Variants in DENND5A observed in about 807,000 individuals in gnomAD.
DENND5A encodes DENN domain containing 5A.
Under a neutral mutation model 140.3 loss-of-function variants are expected in DENND5A, and 64 were observed. That is an observed-to-expected ratio of 0.46 (90% confidence interval 0.37 to 0.56). DENND5A has a LOEUF of 0.56. DENND5A is among the 20% of genes least tolerant of loss of function. The pLI is 0.00. For missense variants in DENND5A, 1,292 were observed against 1,593.8 expected (o/e 0.81, Z 3.22); for synonymous variants, 605 against 607.7 (o/e 1.00, Z 0.07).
intron 1 of DENND5A, 100 bp downstream of exon 1, chr11:9,264,861 G>T: frequency 2.7e-6 from 3 of 1,120,962 alleles, no homozygotes; most frequent in Admixed American, 2.4e-5. Flanking sequence ...GCCGACACTC[G>T]CCCGGCTCCC....
At chr11:9,176,825 G>A in intron 8 of DENND5A, 2 of 454,798 alleles carry the variant, frequency 4.4e-6, no homozygotes, top group Admixed American at 2.4e-5. Context: ...ACTGTTCAGG[G>A]TAACATTATA....
At chr11:9,230,518 A>C (rs1386636853) in intron 1 of DENND5A, among the ~76,000 whole-genome samples, 1 of 152,010 alleles carries the variant, frequency 6.6e-6, no homozygotes, top group East Asian at 1.9e-4. Context: ...TGGGATTACA[A>C]GTGTGAGCCA....
At chr11:9,185,203 C>A (rs11606969) in intron 5 of DENND5A, among the ~76,000 whole-genome samples, 15,547 of 151,974 alleles carry the variant, frequency 0.1, 932 homozygotes, top group African/African-American at 0.16. Flanking sequence ...TTAAAAAAAA[C>A]CCCCAATTAT....
intron 5 of DENND5A, among the ~76,000 whole-genome samples, chr11:9,191,889 T>C (rs73402352): frequency 0.12 from 18,016 of 152,240 alleles, 1,213 homozygotes; most frequent in African/African-American, 0.18. Flanking sequence ...AATAGACATT[T>C]GTTTAAAGCA....
At chr11:9,263,255 T>TGATAAA (rs1852286708) in intron 1 of DENND5A, among the ~76,000 whole-genome samples, 1 of 151,608 alleles carries the variant, frequency 6.6e-6, no homozygotes, top group Non-Finnish European at 1.5e-5. Flanking sequence ...CAGACTGGAG[T>TGATAAA]GTAGTGGCGC....
At chr11:9,251,988 C>G (rs904551673) in intron 1 of DENND5A, among the ~76,000 whole-genome samples, 1 of 138,692 alleles carries the variant, frequency 7.2e-6, no homozygotes, top group Admixed American at 7.5e-5. Flanking sequence ...GACTCTGTCT[C>G]GCGAAAAAAA....
intron 3 of DENND5A, among the ~76,000 whole-genome samples, 185 bp downstream of exon 3, chr11:9,206,488 A>G (rs1849695426): frequency 6.6e-6 from 1 of 152,214 alleles, no homozygotes; most frequent in Non-Finnish European, 1.5e-5. Context: ...CTTTTAGCAT[A>G]TTTAATATAT....
intron 1 of DENND5A, among the ~76,000 whole-genome samples, chr11:9,228,747 T>C (rs1850638557): frequency 6.7e-6 from 1 of 149,756 alleles, no homozygotes; most frequent in Admixed American, 6.7e-5. Context: ...AACAACAGGG[T>C]TCAGGGACCT....
At chr11:9,144,650 G>A (rs540741614) in intron 18 of DENND5A, among the ~76,000 whole-genome samples, 2 of 152,176 alleles carry the variant, frequency 1.3e-5, no homozygotes, top group South Asian at 2.1e-4. Flanking sequence ...TTAGCTGGGC[G>A]TGGTGGTGCA....
At chr11:9,250,236 C>T (rs1851663494) in intron 1 of DENND5A, among the ~76,000 whole-genome samples, 1 of 150,538 alleles carries the variant, frequency 6.6e-6, no homozygotes, top group African/African-American at 2.4e-5. Context: ...AAGACAGACC[C>T]AGGCAAAAAG....
Position 9,257,432 on chromosome 11 carries a change from TAAAAAA to T in DENND5A, c.109+7523_109+7528del, listed in dbSNP as rs71062819. 2.5e-5 allele frequency among the ~76,000 whole-genome samples: 3 copies of T among 118,618 alleles called. No individual in the cohort carries two copies. In the East Asian group the frequency reaches 7.9e-4, roughly 31 times the overall value. 77.8% of individuals were successfully genotyped at this position (118,618 alleles called of 152,430 possible). A position where few individuals can be genotyped will look rare whatever the true frequency, so the allele number is the denominator to read the frequency against. On this transcript the variant is annotated intron_variant, in intron 1 of 22. Coordinates refer to ENST00000328194, the MANE Select transcript of DENND5A (RefSeq NM_015213.4). ...GGCAACAGAGACAGACTCTGTCTCT[TAAAAAA>T]AAAAAAAAAAAAGATATCCTTAATG...
At chr11:9,140,163 C>T in intron 22 of DENND5A, 1 of 1,403,642 alleles carries the variant, frequency 7.1e-7, no homozygotes, top group Non-Finnish European at 9.4e-7. Context: ...CAGCTACCAC[C>T]ACCAGGAATA....
intron 5 of DENND5A, among the ~76,000 whole-genome samples, chr11:9,192,417 A>G (rs941977528): frequency 6.6e-6 from 1 of 152,160 alleles, no homozygotes. Context: ...TCATGAGGTC[A>G]GGCGTTCGAG....
At chr11:9,175,331 G>T (rs1024596246) in intron 8 of DENND5A, 3 of 152,128 alleles carry the variant, frequency 2.0e-5, no homozygotes, top group African/African-American at 7.2e-5. Flanking sequence ...AGTACATAAT[G>T]CTGTTGAGAA....
intron 4 of DENND5A, among the ~76,000 whole-genome samples, chr11:9,198,728 C>T (rs1404513299): frequency 6.6e-6 from 1 of 151,918 alleles, no homozygotes; most frequent in African/African-American, 2.4e-5. Context: ...ATGAGAAATG[C>T]CTGGACCCTT....
Position 9,139,912 on chromosome 11 carries a change from G to C in DENND5A, c.3681-58C>G, listed in dbSNP as rs947400108. On this transcript the variant is annotated intron_variant, in intron 22 of 22. Transcript: ENST00000328194. ...AGGGGCAAAGGAAAAGGAAGAGAGA[G>C]CGTTAGTGCAAGGCCAAGGGGGAAA... 3.9e-6 allele frequency: 6 copies of C among 1,547,576 alleles called. No homozygotes were observed. The Admixed American group carries it at 8.6e-5, about 22-fold the overall frequency.
chr11:9,211,071 G>GGT (rs1392222307), intron 1 of DENND5A, among the ~76,000 whole-genome samples: 1 of 152,158 alleles, frequency 6.6e-6, no homozygotes, highest in African/African-American at 2.4e-5. Context: ...CTTCAAAGAA[G>GGT]GTAATGATAC....
At chr11:9,250,908 T>G (rs1026129334) in intron 1 of DENND5A, among the ~76,000 whole-genome samples, 3 of 151,766 alleles carry the variant, frequency 2.0e-5, no homozygotes, top group Admixed American at 2.0e-4. Flanking sequence ...CTGAGGCGGG[T>G]GGGTCACCTA....
At chr11:9,142,477 C>A (rs1847278465) in intron 21 of DENND5A, among the ~76,000 whole-genome samples, 1 of 152,152 alleles carries the variant, frequency 6.6e-6, no homozygotes. Context: ...AGGACTAAGT[C>A]CATACTAAAT....
Sources: gnomAD v4.1 joint callset for allele counts (sites outside exome capture counted in the v4.1 genomes callset) on GRCh38, gnomAD v4.1.1 for gene constraint, MANE v1.5 for transcripts, NCBI Gene and HGNC (gene_info 2026-07-23, HGNC 2026-07-21) for gene names.